SMAD2: variants seen among roughly 807,000 people sequenced by gnomAD.
The protein encoded by SMAD2 is SMAD family member 2, also known as MAD homolog 2.
SMAD2 carries 8 observed loss-of-function variants against 64.4 expected under a neutral mutation model. That is an observed-to-expected ratio of 0.12 (90% CI 0.07 to 0.22). The LOEUF (loss-of-function observed/expected upper bound fraction) is 0.22, where lower values mean the gene tolerates loss of function less well. Among genes scored for constraint, SMAD2 ranks in the 10% least tolerant of loss-of-function variants. SMAD2 has a pLI of 1.00. For synonymous variants in SMAD2, 203 were observed against 195.8 expected, an observed-to-expected ratio of 1.04 and a Z score of -0.31; for missense variants, 289 against 561.2, an observed-to-expected ratio of 0.51 and a Z score of 4.90.
In SMAD2 at chr18:47,831,950, G is replaced by A. The variant is rs1416199484; in HGVS notation, c.*9877C>T. The A allele has an allele frequency of 6.6e-6, 1 of 152,104 alleles. No individual in the cohort carries two copies. Among genetic ancestry groups the A allele is most frequent in the Non-Finnish European group, 1.5e-5 (1 of 68,006 alleles). The allele number at this position is 152,104 out of a possible 1,614,324, so 9.4% of individuals were successfully genotyped here. ...TGATGAGAAGGGTGAATCTGTCAAAGGGTAAGCTGGATAACTGTATGTTGC... is the reference window on the plus strand; with the variant it reads ...TGATGAGAAGGGTGAATCTGTCAAAAGGTAAGCTGGATAACTGTATGTTGC... On this transcript the variant is annotated 3_prime_UTR_variant, in exon 11 of 11. Transcript: ENST00000262160.
intron 6 of SMAD2, among the ~76,000 whole-genome samples, chr18:47,859,688 CAAT>C (rs1414406875): frequency 6.6e-6 from 1 of 151,962 alleles, no homozygotes; most frequent in Non-Finnish European, 1.5e-5. Context: ...ATAAACAAAT[CAAT>C]GATCTAAATG....
intron 2 of SMAD2, among the ~76,000 whole-genome samples, chr18:47,890,524 T>C (rs1262686448): frequency 6.6e-6 from 1 of 152,232 alleles, no homozygotes; most frequent in African/African-American, 2.4e-5. Context: ...CTAGCTATAA[T>C]GTTTTATAGC....
chr18:47,881,558 T>C (rs2032589886), intron 2 of SMAD2, among the ~76,000 whole-genome samples: 1 of 152,224 alleles, frequency 6.6e-6, no homozygotes. Context: ...GAAACATTCC[T>C]TCAGATCTTT....
In SMAD2 at chr18:47,823,538, C is replaced by T. The variant is rs1174570599; in HGVS notation, c.*18289G>A. 6.6e-6 allele frequency: 1 copy of T among 152,112 alleles called. No individual in the cohort carries two copies. Among genetic ancestry groups the T allele is most frequent in the African/African-American group, 2.4e-5 (1 of 41,416 alleles). The allele number at this position is 152,112 out of a possible 1,614,324, so 9.4% of individuals were successfully genotyped here. A position where few individuals can be genotyped will look rare whatever the true frequency, so the allele number is the denominator to read the frequency against. On this transcript the variant is annotated 3_prime_UTR_variant, in exon 11 of 11. Coordinates refer to ENST00000262160, the MANE Select transcript of SMAD2 (RefSeq NM_005901.6). ...AAAAACTACTCCCATGCTCTGAGGCCTATAAGCTAAGATGTGATTAATTTT... is the reference window on the plus strand; with the variant it reads ...AAAAACTACTCCCATGCTCTGAGGCTTATAAGCTAAGATGTGATTAATTTT...
In SMAD2 at chr18:47,834,832, CT is replaced by C; in HGVS notation, c.*6994del. On this transcript the variant is annotated 3_prime_UTR_variant, in exon 11 of 11. Coordinates refer to ENST00000262160, the MANE Select transcript of SMAD2 (RefSeq NM_005901.6). ...ATCCAGTTTTGTATGTCTTTTCTTT[CT>C]TTTTTAGGTGAAAATATTCTATGCC... The C allele has an allele frequency of 9.2e-6, 2 of 218,490 alleles. No individual in the cohort carries two copies. The highest frequency in any genetic ancestry group is 1.8e-5 in the Non-Finnish European group (2 of 108,648). The allele number at this position is 218,490 out of a possible 1,614,324, so 13.5% of individuals were successfully genotyped here. A position where few individuals can be genotyped will look rare whatever the true frequency, so the allele number is the denominator to read the frequency against.
intron 2 of SMAD2, among the ~76,000 whole-genome samples, chr18:47,874,648 G>A (rs1212898370): frequency 6.6e-6 from 1 of 152,092 alleles, no homozygotes; most frequent in Non-Finnish European, 1.5e-5. Context: ...GGCACCCTAT[G>A]AACTGATATG....
At chr18:47,902,816 G>A (rs544827523) in intron 1 of SMAD2, among the ~76,000 whole-genome samples, 1 of 152,176 alleles carries the variant, frequency 6.6e-6, no homozygotes, top group South Asian at 2.1e-4. Context: ...TGAGAGAAGA[G>A]AGGCTGCATG....
chr18:47,877,626 A>G (rs769429944), intron 2 of SMAD2, among the ~76,000 whole-genome samples: 9 of 152,172 alleles, frequency 5.9e-5, no homozygotes, highest in Non-Finnish European at 1.3e-4. Context: ...GACTACTTTG[A>G]TTAAACTTAA....
Position 47,830,774 on chromosome 18 carries a change from T to C in SMAD2, c.*11053A>G, listed in dbSNP as rs1396306024. ...TTACAAGATTTAAAATCAGAGCAAA[T>C]GAATTTCTTAAGTTCAAGATACGTA... On this transcript the variant is annotated 3_prime_UTR_variant, in exon 11 of 11. Transcript: ENST00000262160. 6.4e-6 allele frequency: 1 copy of C among 155,774 alleles called. No homozygotes were observed. Among genetic ancestry groups the C allele is most frequent in the Non-Finnish European group, 1.4e-5 (1 of 70,002 alleles). 9.6% of individuals were successfully genotyped at this position (155,774 alleles called of 1,614,324 possible).
intron 2 of SMAD2, chr18:47,895,431 AC>A (rs2033394433): frequency 6.6e-6 from 1 of 152,128 alleles, no homozygotes; most frequent in African/African-American, 2.4e-5. Flanking sequence ...TGCACTCATT[AC>A]CATATCAAAT....
intron 1 of SMAD2, among the ~76,000 whole-genome samples, chr18:47,916,115 C>A (rs777979612): frequency 4.6e-5 from 7 of 152,152 alleles, no homozygotes; most frequent in Non-Finnish European, 1.0e-4. Context: ...CTGAGACAAA[C>A]CCTAATTAGT....
intron 2 of SMAD2, among the ~76,000 whole-genome samples, chr18:47,875,749 A>G (rs2032226642): frequency 6.6e-6 from 1 of 152,110 alleles, no homozygotes; most frequent in South Asian, 2.1e-4. Context: ...GCATCTTACA[A>G]ACAAATATTT....
In SMAD2 at chr18:47,856,854, ATTTTTT is replaced by A. The variant is rs758202544; in HGVS notation, c.731-5533_731-5528del. 4.9e-5 allele frequency among the ~76,000 whole-genome samples: 6 copies of A among 123,278 alleles called. No homozygotes were observed. The East Asian group carries it at 9.3e-4, about 19-fold the overall frequency. The allele number at this position is 123,278 out of a possible 152,430, so 80.9% of individuals were successfully genotyped here. ...TTTCCTATTTTGCCTAACTATGCTA[ATTTTTT>A]TTTTTTTTTTTTTTTGAGACGGAGT... On this transcript the variant is annotated intron_variant, in intron 6 of 10. Coordinates refer to ENST00000262160, the MANE Select transcript of SMAD2 (RefSeq NM_005901.6).
intron 6 of SMAD2, among the ~76,000 whole-genome samples, chr18:47,862,553 AC>A (rs931793394): frequency 1.7e-4 from 26 of 152,306 alleles, no homozygotes; most frequent in African/African-American, 6.3e-4. Flanking sequence ...TTATAAAGAC[AC>A]CAGTCATATA....
At chr18:47,915,424 A>G (rs970849109) in intron 1 of SMAD2, among the ~76,000 whole-genome samples, 6 of 152,232 alleles carry the variant, frequency 3.9e-5, no homozygotes, top group African/African-American at 1.4e-4. Context: ...TGACTAGCAC[A>G]GTTCACTGTC....
chr18:47,858,283 T>C (rs1293626403), intron 6 of SMAD2, among the ~76,000 whole-genome samples: 2 of 152,158 alleles, frequency 1.3e-5, no homozygotes. Flanking sequence ...ATAAAGGATC[T>C]GAAATGAAAA....
In SMAD2 at chr18:47,837,876, A is replaced by G. The variant is rs946486052; in HGVS notation, c.*3951T>C. On this transcript the variant is annotated 3_prime_UTR_variant, in exon 11 of 11. Transcript: ENST00000262160. ...TCAGCTTTTAAAGTAAAGACTGTACATGAAGACATATTTTATGTACAGTGA... is the reference window on the plus strand; with the variant it reads ...TCAGCTTTTAAAGTAAAGACTGTACGTGAAGACATATTTTATGTACAGTGA... The G allele has an allele frequency of 4.3e-6, 1 of 232,802 alleles. No homozygotes were observed. The highest frequency in any genetic ancestry group is 2.2e-5 in the African/African-American group (1 of 45,300). 14.4% of individuals were successfully genotyped at this position (232,802 alleles called of 1,614,324 possible).
intron 1 of SMAD2, among the ~76,000 whole-genome samples, chr18:47,905,104 A>G (rs1419157287): frequency 2.0e-5 from 3 of 152,208 alleles, no homozygotes; most frequent in Non-Finnish European, 4.4e-5. Context: ...GTCTCCATGG[A>G]AAAGTGCATG....
intron 2 of SMAD2, among the ~76,000 whole-genome samples, chr18:47,885,048 A>T (rs747554366): frequency 1.3e-5 from 2 of 152,142 alleles, no homozygotes; most frequent in African/African-American, 4.8e-5. Flanking sequence ...CTTTTTACTT[A>T]AAGAAAACAA....
Sources: allele counts gnomAD v4.1 joint callset (sites outside exome capture counted in the v4.1 genomes callset), GRCh38; gene constraint gnomAD v4.1.1; transcripts MANE v1.5; gene names NCBI Gene and HGNC (gene_info 2026-07-23, HGNC 2026-07-21).